Variants in KIF26B observed in about 807,000 individuals in gnomAD.
KIF26B encodes the protein kinesin-like protein KIF26B.
In KIF26B, 63 loss-of-function variants were observed where a neutral mutation model predicts 151.2. The ratio of observed to expected loss-of-function variants is 0.42; its 90% CI spans 0.34 to 0.51. The LOEUF (loss-of-function observed/expected upper bound fraction) is 0.51, where lower values mean the gene tolerates loss of function less well. KIF26B is among the 20% of genes least tolerant of loss of function. The pLI, the probability that KIF26B is intolerant of heterozygous loss-of-function variation, is 0.07. For synonymous variants in KIF26B, 1,357 were observed against 1,262.1 expected (o/e 1.08, Z -1.59); for missense variants, 2,813 against 2,913.6 (o/e 0.97, Z 0.79).
At position 245,686,350 on chromosome 1, in the gene KIF26B, G is replaced by A. The variant is rs201002183; in HGVS notation, c.3367G>A (p.Glu1123Lys). 8.1e-5 allele frequency: 131 copies of A among 1,613,326 alleles called. 1 individual carries two copies. In the Middle Eastern group the frequency reaches 1.6e-3, roughly 20 times the overall value. The change falls in exon 12 of 15, where the codon GAG becomes AAG. Residue 1123 changes from glutamate (E) to lysine (K), a missense_variant. Transcript: ENST00000407071. This position sits in a 1 kb window ranked among gnomAD's most constrained non-coding sequence, Gnocchi z 5.6. ...GTCTAGGGAGTCCTTGCTGCAGCCC[G>A]AGGTGCGTACGCCCCCGGTTGGAAT... is the stretch of plus-strand genomic sequence containing the variant. Reference protein sequence around the residue: ...VASRESLLQPEVRTPPVGMSP... With the variant: ...VASRESLLQPKVRTPPVGMSP...
rs772130396 is a variant in KIF26B, at chr1:245,374,431, AAC to A, written c.999+7065_999+7066del. Among the ~76,000 whole-genome samples the A allele has an allele frequency of 8.0e-4, 121 of 151,894 alleles. 1 individual carries two copies. The highest frequency in any genetic ancestry group is 1.3e-3 in the Non-Finnish European group (91 of 67,972). On this transcript the variant is annotated intron_variant, in intron 3 of 14. Transcript: ENST00000407071. ...GGTATACACGTGCTCTTCCCGGCCG[AAC>A]CACTTTTCAAGAAGGAACAGGGGTG...
intron 3 of KIF26B, chr1:245,371,731 C>T (rs1673133461): frequency 6.6e-6 from 1 of 152,136 alleles, no homozygotes; most frequent in African/African-American, 2.4e-5. Flanking sequence ...TCTTGATTCT[C>T]GTTTGCTATA....
chr1:245,575,202 C>T (rs1035076310), intron 5 of KIF26B, among the ~76,000 whole-genome samples: 7 of 149,672 alleles, frequency 4.7e-5, no homozygotes, highest in South Asian at 2.3e-4. Flanking sequence ...AGGCTGGGGG[C>T]GGTGGCTCAC....
intron 2 of KIF26B, among the ~76,000 whole-genome samples, chr1:245,247,667 T>C (rs1319645129): frequency 2.0e-5 from 3 of 152,018 alleles, no homozygotes; most frequent in Non-Finnish European, 4.4e-5. Context: ...ACTTGCAGGG[T>C]CCTGAAGGCT....
intron 2 of KIF26B, among the ~76,000 whole-genome samples, chr1:245,297,149 C>A (rs2102975951): frequency 6.6e-6 from 1 of 152,226 alleles, no homozygotes; most frequent in Non-Finnish European, 1.5e-5. Context: ...TCAAGACCAG[C>A]CTGGCCAACA....
At chr1:245,642,796 G>A (rs540996374) in intron 9 of KIF26B, among the ~76,000 whole-genome samples, 1 of 152,126 alleles carries the variant, frequency 6.6e-6, no homozygotes, top group Non-Finnish European at 1.5e-5. Flanking sequence ...TGTAGAGATA[G>A]AATAGTTATC....
At chr1:245,575,031 A>AT (rs1483702363) in intron 5 of KIF26B, among the ~76,000 whole-genome samples, 1 of 150,298 alleles carries the variant, frequency 6.7e-6, no homozygotes, top group Non-Finnish European at 1.5e-5. Flanking sequence ...CACCCGGCTA[A>AT]TTTTTTTGTA....
chr1:245,604,516 G>A (rs1175213122), intron 6 of KIF26B, among the ~76,000 whole-genome samples: 2 of 152,224 alleles, frequency 1.3e-5, no homozygotes, highest in African/African-American at 2.4e-5. Flanking sequence ...AATGGGCTCA[G>A]TAATTTAAAC....
chr1:245,374,317 C>A (rs1455691867), intron 3 of KIF26B, among the ~76,000 whole-genome samples: 1 of 150,340 alleles, frequency 6.7e-6, no homozygotes. Flanking sequence ...GGAGGCCCAC[C>A]AAGTGCTGTT....
rs527364311 is a variant in KIF26B at position 245,609,394 on chromosome 1, C to T, written c.1780C>T (p.Arg594Trp). 7 of 1,609,374 alleles carry T rather than the reference C, an allele frequency of 4.3e-6. No individual in the cohort carries two copies. The highest frequency in any genetic ancestry group is 5.1e-6 in the Non-Finnish European group (6 of 1,177,982). ...KEKTGARFSV[R>W]VSAVEVWGKE... is the part of the protein sequence containing the mutation. The stretch of plus-strand genomic sequence containing the variant: ...AAAGACCGGCGCCCGTTTCTCAGTC[C>T]GGGTTTCCGCCGTGGAAGTGTGGGG... Residue 594 changes from arginine (R) to tryptophan (W), a missense_variant, in exon 8 of 15, where the codon CGG (arginine) becomes TGG (tryptophan). This residue lies in a region of KIF26B where 77 missense variants were observed against 136.9 expected (regional missense o/e 0.56). Coordinates refer to ENST00000407071, the MANE Select transcript of KIF26B (RefSeq NM_018012.4).
At chr1:245,566,647 G>A (rs2043012808) in intron 5 of KIF26B, among the ~76,000 whole-genome samples, 1 of 152,116 alleles carries the variant, frequency 6.6e-6, no homozygotes. Flanking sequence ...ATTCCTTTCT[G>A]GGCTGGGCGT....
intron 4 of KIF26B, among the ~76,000 whole-genome samples, chr1:245,429,955 A>G (rs1165787450): frequency 6.6e-6 from 1 of 152,142 alleles, no homozygotes; most frequent in African/African-American, 2.4e-5. Context: ...GGTACCAAAC[A>G]ATAAGGAAGA....
chr1:245,181,033 A>G (rs1668897235), intron 2 of KIF26B, among the ~76,000 whole-genome samples: 1 of 152,120 alleles, frequency 6.6e-6, no homozygotes, highest in African/African-American at 2.4e-5. Context: ...AGACATTGAG[A>G]GGCCTGAGAG....
In KIF26B at chr1:245,549,675, G is replaced by A. The variant is rs960634667; in HGVS notation, c.1350+8725G>A. Reference sequence around the variant, plus strand: ...TGCCTCAAACAGAATAGGAAATGCTGTTCTTGCCTACTGAATTGTTCGTAT... The same window carrying A: ...TGCCTCAAACAGAATAGGAAATGCTATTCTTGCCTACTGAATTGTTCGTAT... On this transcript the variant is annotated intron_variant, in intron 5 of 14. Coordinates refer to ENST00000407071, the MANE Select transcript of KIF26B (RefSeq NM_018012.4). 2.6e-5 allele frequency among the ~76,000 whole-genome samples: 4 copies of A among 152,148 alleles called. No homozygotes were observed. In the East Asian group the frequency reaches 7.7e-4, roughly 29 times the overall value.
intron 2 of KIF26B, among the ~76,000 whole-genome samples, chr1:245,362,479 A>C (rs928282067): frequency 6.6e-6 from 1 of 151,196 alleles, no homozygotes; most frequent in Admixed American, 6.6e-5. Context: ...CGGAGGTTGC[A>C]GTGAGCCGAG....
intron 5 of KIF26B, among the ~76,000 whole-genome samples, chr1:245,589,384 G>A (rs964729149): frequency 8.5e-5 from 13 of 152,084 alleles, no homozygotes; most frequent in South Asian, 2.1e-4. Context: ...AACTGAATGC[G>A]GTCTGTATTT....
chr1:245,644,993 A>C (rs1178720249), intron 9 of KIF26B, among the ~76,000 whole-genome samples: 1 of 152,158 alleles, frequency 6.6e-6, no homozygotes, highest in Non-Finnish European at 1.5e-5. Context: ...GGCGTGTCAC[A>C]TGGCAAGAGA....
intron 2 of KIF26B, among the ~76,000 whole-genome samples, chr1:245,256,355 A>G (rs937184268): frequency 9.2e-5 from 14 of 152,316 alleles, no homozygotes; most frequent in Non-Finnish European, 1.8e-4. Context: ...GTCTCAGGAC[A>G]CCTGGAAGCA....
chr1:245,213,299 G>A (rs934734650), intron 2 of KIF26B, among the ~76,000 whole-genome samples: 3 of 152,228 alleles, frequency 2.0e-5, no homozygotes, highest in Non-Finnish European at 4.4e-5. Flanking sequence ...TGCTCACATG[G>A]AGACCCTGGT....
Sources: gnomAD v4.1 joint callset for allele counts (sites outside exome capture counted in the v4.1 genomes callset) on GRCh38, gnomAD v4.1.1 for gene constraint, gnomAD v4.1.1 regional missense constraint, Gnocchi (gnomAD v3.1) non-coding constraint, MANE v1.5 for transcripts, NCBI Gene and HGNC (gene_info 2026-07-23, HGNC 2026-07-21) for gene names.